Variants in DAB1 observed in about 807,000 individuals in gnomAD.
DAB1 encodes disabled homolog 1.
In DAB1, 15 loss-of-function variants were observed where a neutral mutation model predicts 64.6. The ratio of observed to expected loss-of-function variants is 0.23; its 90% CI spans 0.16 to 0.36. The LOEUF is 0.36. Ranked by LOEUF, DAB1 falls within the 10% of genes least tolerant of loss-of-function variation. The pLI, the probability that DAB1 is intolerant of heterozygous loss-of-function variation, is 1.00. For synonymous variants in DAB1, 235 were observed against 251.9 expected, an observed-to-expected ratio of 0.93 and a Z score of 0.64; for missense variants, 596 against 706.7, an observed-to-expected ratio of 0.84 and a Z score of 1.78.
intron 1 of DAB1, among the ~76,000 whole-genome samples, chr1:57,388,433 G>T (rs1018048439): frequency 6.6e-6 from 1 of 152,062 alleles, no homozygotes; most frequent in African/African-American, 2.4e-5. Flanking sequence ...CAGTCCTCGT[G>T]TAGGTGGTTC....
chr1:58,258,440 C>T (rs947875030), intron 4 of DAB1, among the ~76,000 whole-genome samples: 1 of 152,198 alleles, frequency 6.6e-6, no homozygotes. Context: ...TTGAATGGCA[C>T]AGACGAAATG....
chr1:57,551,715 T>C (rs2805851), intron 7 of DAB1, among the ~76,000 whole-genome samples: 141,562 of 152,114 alleles, frequency 0.93, 66,714 homozygotes, highest in East Asian at 1. Flanking sequence ...CATCTCAACT[T>C]AGACTGGAGC....
chr1:57,706,951 G>A (rs1646974287), intron 6 of DAB1, among the ~76,000 whole-genome samples: 1 of 152,060 alleles, frequency 6.6e-6, no homozygotes, highest in African/African-American at 2.4e-5. Context: ...GCAGGCGCCT[G>A]TAATTGCAGC....
chr1:57,003,181 G>A (rs1360475595), intron 14 of DAB1, among the ~76,000 whole-genome samples: 1 of 152,222 alleles, frequency 6.6e-6, no homozygotes, highest in Admixed American at 6.5e-5. Flanking sequence ...TGGCTGCAGG[G>A]CCCTGTGGAT....
chr1:57,649,191 T>C (rs1235969256), intron 7 of DAB1, among the ~76,000 whole-genome samples: 1 of 152,184 alleles, frequency 6.6e-6, no homozygotes, highest in African/African-American at 2.4e-5. Flanking sequence ...CCTCTGTTGG[T>C]AAATATATTA....
intron 2 of DAB1, among the ~76,000 whole-genome samples, chr1:57,283,788 C>T (rs1002169051): frequency 1.3e-5 from 2 of 152,204 alleles, no homozygotes; most frequent in African/African-American, 2.4e-5. Flanking sequence ...GTGGAAGGAG[C>T]TCCAGCCAGG....
In DAB1 at chr1:58,370,379, G is replaced by A. The variant is rs1369153110; in HGVS notation, n.258-26976C>T. Among the ~76,000 whole-genome samples, 16 of 14,546 alleles carry A rather than the reference G, an allele frequency of 1.1e-3. No homozygotes were observed. The African/African-American group carries it at 0.012, about 11-fold the overall frequency. The allele number at this position is 14,546 out of a possible 152,430, so 9.5% of individuals were successfully genotyped here. A position where few individuals can be genotyped will look rare whatever the true frequency, so the allele number is the denominator to read the frequency against. ...ATGTTACTTATGAGTGTGTGCGTGT[G>A]TGTGTGTGTGTGTGTGTGTGTGTGT... On this transcript the variant is annotated intron_variant and non_coding_transcript_variant, in intron 3 of 20. Transcript: ENST00000485760.
In DAB1 at chr1:57,733,218, G is replaced by A. The variant is rs149564914; in HGVS notation, n.552-83553C>T. On this transcript the variant is annotated intron_variant and non_coding_transcript_variant, in intron 6 of 20. Coordinates refer to the DAB1 transcript ENST00000485760. ...AATTGCAACTTGCTCTCCTAACCCC[G>A]CACCTGATAGCCATTACTCTGCTGA... Among the ~76,000 whole-genome samples the A allele has an allele frequency of 1.5e-3, 224 of 151,760 alleles. 2 individuals carry two copies. Among genetic ancestry groups the A allele is most frequent in the African/African-American group, 4.9e-3 (204 of 41,346 alleles).
intron 7 of DAB1, among the ~76,000 whole-genome samples, chr1:57,542,440 C>T (rs770976858): frequency 2.7e-5 from 4 of 149,514 alleles, no homozygotes; most frequent in South Asian, 4.3e-4. Flanking sequence ...GGGAAGGAAG[C>T]GAGCATGGTT....
At chr1:57,121,139 A>AATG (rs1656606731) in intron 4 of DAB1, among the ~76,000 whole-genome samples, 1 of 78,418 alleles carries the variant, frequency 1.3e-5, no homozygotes, top group East Asian at 7.1e-4. Flanking sequence ...AGAGAAGAAG[A>AATG]AGGAGGAGGA....
chr1:58,351,968 A>G (rs1263354598), intron 3 of DAB1, among the ~76,000 whole-genome samples: 3 of 150,858 alleles, frequency 2.0e-5, no homozygotes, highest in Non-Finnish European at 4.4e-5. Flanking sequence ...GCCAGAGTGA[A>G]ATGACTGAAT....
chr1:58,002,537 T>C (rs1025270864), intron 5 of DAB1, among the ~76,000 whole-genome samples: 3 of 152,208 alleles, frequency 2.0e-5, no homozygotes, highest in African/African-American at 7.2e-5. Flanking sequence ...TTCTGGCTTA[T>C]GGCTCTTTAT....
At chr1:57,718,801 T>G (rs1647115863) in intron 6 of DAB1, among the ~76,000 whole-genome samples, 1 of 152,222 alleles carries the variant, frequency 6.6e-6, no homozygotes, top group South Asian at 2.1e-4. Context: ...AATTGAAATA[T>G]TCAATCAGAT....
intron 1 of DAB1, among the ~76,000 whole-genome samples, chr1:57,300,555 C>T (rs890588051): frequency 5.9e-5 from 9 of 152,142 alleles, no homozygotes; most frequent in African/African-American, 2.2e-4. Context: ...GTAATCAATC[C>T]TGGGAACTCA....
intron 3 of DAB1, among the ~76,000 whole-genome samples, chr1:57,138,151 C>G (rs942578532): frequency 6.6e-6 from 1 of 152,118 alleles, no homozygotes; most frequent in Non-Finnish European, 1.5e-5. Flanking sequence ...TAGACACCTG[C>G]TAGGAGGAAA....
At chr1:58,437,247 T>C (rs1266147824) in intron 3 of DAB1, among the ~76,000 whole-genome samples, 1 of 152,210 alleles carries the variant, frequency 6.6e-6, no homozygotes, top group Non-Finnish European at 1.5e-5. Flanking sequence ...GGGAGAGGCC[T>C]GGGAACCTGC....
chr1:58,027,074 A>G (rs994654576), intron 5 of DAB1, among the ~76,000 whole-genome samples: 1 of 152,258 alleles, frequency 6.6e-6, no homozygotes, highest in Admixed American at 6.5e-5. Context: ...CTGCCCTGTG[A>G]CAAGGCTCAG....
intron 5 of DAB1, among the ~76,000 whole-genome samples, chr1:57,951,320 A>ATATATATATATATATATATATATATG (rs1002592985): frequency 4.1e-5 from 5 of 123,318 alleles, no homozygotes; most frequent in African/African-American, 1.4e-4. Context: ...CCTGATTCAT[A>ATATATATATATATATATATATATATG]TATATATATA....
chr1:57,072,095 A>G lies in DAB1; in HGVS notation c.438+188T>C, dbSNP rs59848345. On this transcript the variant is annotated intron_variant, in intron 5 of 14. Coordinates refer to ENST00000371236, the MANE Select transcript of DAB1 (RefSeq NM_001365792.1). Reference sequence around the variant, plus strand: ...AAAAAAAAAAAACAGAAAAAACTGGATGGGTATGAGCATGTTTCCTTGCTC... The same window carrying G: ...AAAAAAAAAAAACAGAAAAAACTGGGTGGGTATGAGCATGTTTCCTTGCTC... Among the ~76,000 whole-genome samples, 2,768 of 149,634 alleles carry G rather than the reference A, an allele frequency of 0.018. 88 individuals are homozygous for G. The highest frequency in any genetic ancestry group is 0.064 in the African/African-American group (2,614 of 40,924).
Sources: allele counts gnomAD v4.1 joint callset (sites outside exome capture counted in the v4.1 genomes callset), GRCh38; gene constraint gnomAD v4.1.1; transcripts MANE v1.5; gene names NCBI Gene and HGNC (gene_info 2026-07-23, HGNC 2026-07-21).